Variants in ABLIM2 observed in about 807,000 individuals in gnomAD.
The protein encoded by ABLIM2 is actin-binding LIM protein 2.
A neutral mutation model predicts 97.7 loss-of-function variants in ABLIM2; 53 were observed. That is an observed-to-expected ratio of 0.54 (90% CI 0.44 to 0.68). The LOEUF is 0.68. Ranked by LOEUF, ABLIM2 falls within the 30% of genes least tolerant of loss-of-function variation. The pLI, the probability that ABLIM2 is intolerant of heterozygous loss-of-function variation, is 0.00. For missense variants in ABLIM2, 835 were observed against 867.2 expected (o/e 0.96, Z 0.47); for synonymous variants, 361 against 345.8 (o/e 1.04, Z -0.49).
chr4:8,152,669 T>C (rs1218295473), intron 1 of ABLIM2, among the ~76,000 whole-genome samples: 1 of 152,192 alleles, frequency 6.6e-6, no homozygotes, highest in African/African-American at 2.4e-5. Flanking sequence ...GACAGCCGCG[T>C]CCATCATGCG....
chr4:8,086,848 C>T (rs1824020516), intron 4 of ABLIM2, among the ~76,000 whole-genome samples: 1 of 151,730 alleles, frequency 6.6e-6, no homozygotes, highest in African/African-American at 2.4e-5. Context: ...AAAAAGCAGT[C>T]AATCCAGGCC....
At chr4:8,144,010 C>A (rs534264351) in intron 1 of ABLIM2, among the ~76,000 whole-genome samples, 3 of 152,210 alleles carry the variant, frequency 2.0e-5, no homozygotes, top group Non-Finnish European at 4.4e-5. Context: ...CACCAGCCCC[C>A]ACCCTGAAAG....
chr4:7,984,901 A>G lies in ABLIM2; in HGVS notation c.1681-8T>C, dbSNP rs1157165046. On this transcript the variant is annotated splice_region_variant and splice_polypyrimidine_tract_variant and intron_variant, in intron 17 of 20. Transcript: ENST00000447017. ...GGGGGCCAGATTGGCATTCTGGAAG[A>G]GAAAGAGAGGTTGGGCGGCAAGAGA... The G allele has an allele frequency of 3.1e-6, 5 of 1,608,590 alleles. No homozygotes were observed. In the Middle Eastern group the frequency reaches 5.0e-4, roughly 160 times the overall value.
chr4:8,073,642 G>T (rs909778091), intron 6 of ABLIM2, among the ~76,000 whole-genome samples: 3 of 151,774 alleles, frequency 2.0e-5, no homozygotes, highest in African/African-American at 7.3e-5. Context: ...GTAAATATCA[G>T]ATATGATCGC....
rs374374454 is a variant in ABLIM2, at chr4:8,071,922, C to T, written c.675+5706G>A. 10 of 985,314 alleles carry T rather than the reference C, an allele frequency of 1.0e-5. No homozygotes were observed. The highest frequency in any genetic ancestry group is 5.2e-5 in the African/African-American group (3 of 57,214). The allele number at this position is 985,314 out of a possible 1,614,324, so 61.0% of individuals were successfully genotyped here. A position where few individuals can be genotyped will look rare whatever the true frequency, so the allele number is the denominator to read the frequency against. On this transcript the variant is annotated intron_variant, in intron 6 of 20. Coordinates refer to ENST00000447017, the MANE Select transcript of ABLIM2 (RefSeq NM_001130083.2). The surrounding 1 kb of genome is among the most constrained non-coding windows in gnomAD (Gnocchi z 6.2). Reference sequence around the variant, plus strand: ...GCCCTGGGAGTCCACTGTCACCCAGCGGGGCACCGGCACACTGGGCCGAGC... The same window carrying T: ...GCCCTGGGAGTCCACTGTCACCCAGTGGGGCACCGGCACACTGGGCCGAGC...
intron 1 of ABLIM2, among the ~76,000 whole-genome samples, chr4:8,144,361 A>T (rs1851462818): frequency 6.6e-6 from 1 of 152,208 alleles, no homozygotes; most frequent in African/African-American, 2.4e-5. Flanking sequence ...TCCACCCCCT[A>T]TGGCAGTGAT....
rs964528444 is a variant in ABLIM2 at position 7,965,655 on chromosome 4, C to A, written c.*1335G>T. The A allele has an allele frequency of 6.6e-6, 1 of 152,228 alleles. No individual in the cohort carries two copies. The highest frequency in any genetic ancestry group is 2.4e-5 in the African/African-American group (1 of 41,436). The allele number at this position is 152,228 out of a possible 1,614,324, so 9.4% of individuals were successfully genotyped here. On this transcript the variant is annotated 3_prime_UTR_variant, in exon 21 of 21. Coordinates refer to ENST00000447017, the MANE Select transcript of ABLIM2 (RefSeq NM_001130083.2). ...CACCTCTCAGCGCGCTTATCAGCATCCTGTGACGGCCGGTGCTGCACCCTA... is the reference window on the plus strand; with the variant it reads ...CACCTCTCAGCGCGCTTATCAGCATACTGTGACGGCCGGTGCTGCACCCTA...
intron 1 of ABLIM2, among the ~76,000 whole-genome samples, chr4:8,121,796 G>A (rs1275573865): frequency 6.6e-6 from 1 of 152,210 alleles, no homozygotes; most frequent in African/African-American, 2.4e-5. Flanking sequence ...CTGTCCAGTG[G>A]ATGGGGGGGT....
At position 7,992,199 on chromosome 4, in the gene ABLIM2, C is replaced by T. The variant is rs776578604; in HGVS notation, c.1680+667G>A. On this transcript the variant is annotated intron_variant, in intron 17 of 20. Coordinates refer to ENST00000447017, the MANE Select transcript of ABLIM2 (RefSeq NM_001130083.2). This position sits in a 1 kb window ranked among gnomAD's most constrained non-coding sequence, Gnocchi z 5.7. ...CAAACATAAGCCGCTCTTCCTAAGG[C>T]GTTCACTGTCCTGGGGCACAGGGCC... Among the ~76,000 whole-genome samples the T allele has an allele frequency of 3.1e-4, 47 of 152,078 alleles. No homozygotes were observed. The highest frequency in any genetic ancestry group is 5.4e-4 in the Non-Finnish European group (37 of 68,016).
intron 1 of ABLIM2, among the ~76,000 whole-genome samples, chr4:8,134,525 A>G (rs1269464849): frequency 6.6e-6 from 1 of 152,242 alleles, no homozygotes; most frequent in African/African-American, 2.4e-5. Flanking sequence ...CTGCCTGCAA[A>G]ATGCAGACCA....
At chr4:7,979,968 A>G (rs1736680556) in intron 20 of ABLIM2, among the ~76,000 whole-genome samples, 2 of 152,240 alleles carry the variant, frequency 1.3e-5, no homozygotes, top group Admixed American at 6.5e-5. Context: ...AAGTCTATCA[A>G]TGGAGCCAGC....
chr4:8,061,159 G>C lies in ABLIM2; in HGVS notation c.676-105C>G. On this transcript the variant is annotated intron_variant, in intron 6 of 20. Transcript: ENST00000447017. This position sits in a 1 kb window ranked among gnomAD's most constrained non-coding sequence, Gnocchi z 4.5. ...GCATGCCCTGAGCACAGGTACTCAG[G>C]GGATACTGGAAGGGCCAGCCCCCAC... The C allele has an allele frequency of 3.1e-6, 3 of 953,162 alleles. No individual in the cohort carries two copies. The highest frequency in any genetic ancestry group is 1.6e-5 in the African/African-American group (1 of 61,368). 59.0% of individuals were successfully genotyped at this position (953,162 alleles called of 1,614,324 possible). A position where few individuals can be genotyped will look rare whatever the true frequency, so the allele number is the denominator to read the frequency against.
chr4:7,992,938 C>G lies in ABLIM2; in HGVS notation c.1619-11G>C. The G allele has an allele frequency of 6.2e-7, 1 of 1,612,468 alleles. No individual in the cohort carries two copies. Among genetic ancestry groups the G allele is most frequent in the Non-Finnish European group, 8.5e-7 (1 of 1,179,596 alleles). ...TGGAATAGGGGAATCCTGAAACAGA[C>G]ACAGCACAGCTTTGTCACGCGCGCA... is the stretch of plus-strand genomic sequence containing the variant. On this transcript the variant is annotated splice_polypyrimidine_tract_variant and intron_variant, in intron 16 of 20. Coordinates refer to ENST00000447017, the MANE Select transcript of ABLIM2 (RefSeq NM_001130083.2). The surrounding 1 kb of genome is among the most constrained non-coding windows in gnomAD (Gnocchi z 5.7).
Position 8,004,657 on chromosome 4 carries a change from G to C in ABLIM2, c.1618+3402C>G, listed in dbSNP as rs951555504. Among the ~76,000 whole-genome samples the C allele has an allele frequency of 6.6e-6, 1 of 152,132 alleles. No individual in the cohort carries two copies. The highest frequency in any genetic ancestry group is 2.4e-5 in the African/African-American group (1 of 41,420). ...AGCAGCAGCAGGCCCTACTGCCGGG[G>C]ACACGGAGTCCACACCACCTTGTGT... On this transcript the variant is annotated intron_variant, in intron 16 of 20. Transcript: ENST00000447017. The surrounding 1 kb of genome is among the most constrained non-coding windows in gnomAD (Gnocchi z 5.9).
chr4:8,036,444 A>C, intron 9 of ABLIM2, 149 bp from the exon 10 acceptor site: 1 of 960,742 alleles, frequency 1.0e-6, no homozygotes, highest in South Asian at 1.7e-5. Flanking sequence ...GATGCATCCC[A>C]CAGGACAGTG....
At chr4:8,027,927 TC>T in intron 11 of ABLIM2, 70 bp from the exon 12 acceptor site, 2 of 1,112,498 alleles carry the variant, frequency 1.8e-6, no homozygotes, top group South Asian at 1.8e-5. Flanking sequence ...ATATTCCTCA[TC>T]CCCACTCTGC....
chr4:7,998,805 G>A lies in ABLIM2; in HGVS notation c.1619-5878C>T, dbSNP rs1755153591. ...GGCAGGCAGGGCTGCTGTCCCTTGAGGTCCCGAGGCTGCCTCGCCAGGCCA... is the reference window on the plus strand; with the variant it reads ...GGCAGGCAGGGCTGCTGTCCCTTGAAGTCCCGAGGCTGCCTCGCCAGGCCA... On this transcript the variant is annotated intron_variant, in intron 16 of 20. Coordinates refer to ENST00000447017, the MANE Select transcript of ABLIM2 (RefSeq NM_001130083.2). This position sits in a 1 kb window ranked among gnomAD's most constrained non-coding sequence, Gnocchi z 6.4. 6.6e-6 allele frequency among the ~76,000 whole-genome samples: 1 copy of A among 152,224 alleles called. No homozygotes were observed.
intron 6 of ABLIM2, among the ~76,000 whole-genome samples, chr4:8,076,380 T>C (rs1272563151): frequency 6.6e-6 from 1 of 152,188 alleles, no homozygotes; most frequent in Non-Finnish European, 1.5e-5. Flanking sequence ...GAGGGGAGCC[T>C]TGGGGATCCA....
At chr4:7,972,669 C>T (rs571330005) in intron 20 of ABLIM2, among the ~76,000 whole-genome samples, 154 of 152,332 alleles carry the variant, frequency 1.0e-3, no homozygotes, top group African/African-American at 3.6e-3. Flanking sequence ...CGGGGGCTCC[C>T]CCGCCACTGT....
Sources: allele counts gnomAD v4.1 joint callset (sites outside exome capture counted in the v4.1 genomes callset), GRCh38; gene constraint gnomAD v4.1.1; non-coding constraint Gnocchi (gnomAD v3.1); transcripts MANE v1.5; gene names NCBI Gene and HGNC (gene_info 2026-07-23, HGNC 2026-07-21).